The following WWOX variants were observed in gnomAD, a reference collection of about 807,000 sequenced individuals.
The protein encoded by WWOX is WW domain containing oxidoreductase, also known as WW domain-containing oxidoreductase.
In WWOX, 69 loss-of-function variants were observed where a neutral mutation model predicts 46.2. The ratio of observed to expected loss-of-function variants is 1.49; its 90% CI spans 1.23 to 1.82. The LOEUF is 1.82. Ranked by LOEUF, WWOX falls within the 40% of genes most tolerant of loss-of-function variation. The pLI is 0.00. For missense variants in WWOX, 919 were observed against 542.6 expected (o/e 1.69, Z -6.89); for synonymous variants, 359 against 202.6 (o/e 1.77, Z -6.56).
At chr16:78,331,228 T>C (rs893524082) in intron 5 of WWOX, among the ~76,000 whole-genome samples, 8 of 152,356 alleles carry the variant, frequency 5.3e-5, no homozygotes, top group Admixed American at 1.3e-4. Flanking sequence ...TGTTAGCTTC[T>C]TCATGCTTGC....
At chr16:78,963,004 A>G (rs183438222) in intron 8 of WWOX, among the ~76,000 whole-genome samples, 1 of 152,260 alleles carries the variant, frequency 6.6e-6, no homozygotes, top group Admixed American at 6.5e-5. Context: ...CCATCCTACC[A>G]ACAGTTTGTA....
chr16:79,185,133 G>C (rs1051383240), intron 8 of WWOX, among the ~76,000 whole-genome samples: 3 of 152,166 alleles, frequency 2.0e-5, no homozygotes, highest in Non-Finnish European at 1.5e-5. Flanking sequence ...GAATGGCTGA[G>C]GGGGAGAGGC....
intron 8 of WWOX, among the ~76,000 whole-genome samples, chr16:78,582,396 G>C (rs2045081149): frequency 6.6e-6 from 1 of 152,032 alleles, no homozygotes; most frequent in Non-Finnish European, 1.5e-5. Context: ...TTACAAAGTG[G>C]GAGTATCAAT....
chr16:78,777,145 A>G (rs1379468151), intron 8 of WWOX, among the ~76,000 whole-genome samples: 3 of 152,156 alleles, frequency 2.0e-5, no homozygotes, highest in Admixed American at 2.0e-4. Context: ...CTTGGTTTCT[A>G]GGGTCCAACA....
intron 8 of WWOX, among the ~76,000 whole-genome samples, chr16:78,913,920 C>T (rs897923369): frequency 1.4e-4 from 22 of 152,118 alleles, no homozygotes; most frequent in Non-Finnish European, 1.9e-4. Context: ...CTTGGCCTCC[C>T]AAAGTGCTTG....
intron 8 of WWOX, among the ~76,000 whole-genome samples, chr16:78,915,682 C>T (rs1490033068): frequency 1.0e-5 from 1 of 96,856 alleles, no homozygotes; most frequent in African/African-American, 4.1e-5. Flanking sequence ...CTTGTCTATT[C>T]CTCTCCAAAG....
chr16:78,314,899 C>T (rs1007630444), intron 5 of WWOX, among the ~76,000 whole-genome samples: 1 of 151,876 alleles, frequency 6.6e-6, no homozygotes, highest in African/African-American at 2.4e-5. Flanking sequence ...TTCCAGCAAC[C>T]TTCCCTCACC....
intron 8 of WWOX, among the ~76,000 whole-genome samples, chr16:78,842,635 G>A (rs1052870146): frequency 3.3e-5 from 5 of 152,124 alleles, no homozygotes; most frequent in Admixed American, 6.5e-5. Context: ...AGGTCAAGGC[G>A]GATGGATTGC....
chr16:78,581,909 A>C (rs749499591), intron 8 of WWOX, among the ~76,000 whole-genome samples: 22 of 152,228 alleles, frequency 1.4e-4, no homozygotes, highest in Non-Finnish European at 3.1e-4. Flanking sequence ...TCTCGAGATG[A>C]CCTTAAAGTA....
At position 78,585,992 on chromosome 16, in the gene WWOX, G is replaced by T. The variant is rs78852058; in HGVS notation, c.1056+153240G>T. ...CTCGGGGATCCCTTGAGCCCAGGAGGTTAGAGACCAGCCTGGGCAATATAG... is the reference window on the plus strand; with the variant it reads ...CTCGGGGATCCCTTGAGCCCAGGAGTTTAGAGACCAGCCTGGGCAATATAG... On this transcript the variant is annotated intron_variant, in intron 8 of 8. Transcript: ENST00000566780. Among the ~76,000 whole-genome samples, 51 of 152,094 alleles carry T rather than the reference G, an allele frequency of 3.4e-4. 1 individual carries two copies. The East Asian group carries it at 9.9e-3, about 30-fold the overall frequency.
intron 8 of WWOX, among the ~76,000 whole-genome samples, chr16:78,666,690 G>T (rs927652001): frequency 1.3e-5 from 2 of 152,150 alleles, no homozygotes; most frequent in Non-Finnish European, 2.9e-5. Flanking sequence ...GTAAAGAGCA[G>T]GTCCATTAAT....
intron 8 of WWOX, among the ~76,000 whole-genome samples, chr16:78,971,475 GAGAGAGATA>G (rs2046469305): frequency 7.8e-6 from 1 of 128,696 alleles, no homozygotes; most frequent in Non-Finnish European, 1.6e-5. Context: ...AAAAAAAAAA[GAGAGAGATA>G]GGCTGTTTAA....
chr16:79,050,763 A>G (rs1038891990), intron 8 of WWOX, among the ~76,000 whole-genome samples: 5 of 152,114 alleles, frequency 3.3e-5, no homozygotes, highest in African/African-American at 1.2e-4. Context: ...AAGTGAGGAG[A>G]ATAGGGTGGG....
chr16:78,194,385 C>A (rs1369500896), intron 5 of WWOX, among the ~76,000 whole-genome samples: 1 of 151,338 alleles, frequency 6.6e-6, no homozygotes, highest in Non-Finnish European at 1.5e-5. Flanking sequence ...GTCAGGAGTT[C>A]AAGACCAGCC....
chr16:78,240,016 G>C (rs1249730097), intron 5 of WWOX, among the ~76,000 whole-genome samples: 2 of 152,166 alleles, frequency 1.3e-5, no homozygotes, highest in South Asian at 4.1e-4. Flanking sequence ...TGCAGTGTAA[G>C]GGTAGTGGGT....
At chr16:78,933,946 C>G (rs2045679370) in intron 8 of WWOX, among the ~76,000 whole-genome samples, 2 of 152,048 alleles carry the variant, frequency 1.3e-5, no homozygotes, top group Admixed American at 6.5e-5. Flanking sequence ...AATCCCAGTG[C>G]TTTGGGAGGC....
At chr16:78,624,029 T>G (rs1234442341) in intron 8 of WWOX, among the ~76,000 whole-genome samples, 2 of 152,286 alleles carry the variant, frequency 1.3e-5, no homozygotes, top group African/African-American at 4.8e-5. Context: ...ATGAGGAAAG[T>G]AAGAACCCAC....
chr16:78,246,983 C>G (rs147788217), intron 5 of WWOX, among the ~76,000 whole-genome samples: 3 of 152,250 alleles, frequency 2.0e-5, no homozygotes, highest in South Asian at 2.1e-4. Flanking sequence ...CAGTTGGAAT[C>G]TTGCATGGGG....
intron 8 of WWOX, among the ~76,000 whole-genome samples, chr16:78,455,792 T>TAA (rs79273884): frequency 1.1e-4 from 13 of 120,220 alleles, no homozygotes; most frequent in African/African-American, 4.3e-4. Flanking sequence ...AGGTGAAGGT[T>TAA]AAAAAAAAAA....
Sources: gnomAD v4.1 joint callset for allele counts (sites outside exome capture counted in the v4.1 genomes callset) on GRCh38, gnomAD v4.1.1 for gene constraint, MANE v1.5 for transcripts, NCBI Gene and HGNC (gene_info 2026-07-23, HGNC 2026-07-21) for gene names.